Variants in SSBP3 observed in about 807,000 individuals in gnomAD.
SSBP3 encodes single-stranded DNA-binding protein 3.
A neutral mutation model predicts 69.6 loss-of-function variants in SSBP3; 5 were observed. The observed-to-expected ratio is 0.07, with a 90% CI of 0.04 to 0.15. SSBP3 has a LOEUF of 0.15. SSBP3 is among the 10% of genes least tolerant of loss of function. The pLI is 1.00. For missense variants in SSBP3, 312 were observed against 534.0 expected, an observed-to-expected ratio of 0.58 and a Z score of 4.10; for synonymous variants, 196 against 193.4, an observed-to-expected ratio of 1.01 and a Z score of -0.11.
chr1:54,273,179 G>A (rs1287996170), intron 5 of SSBP3, among the ~76,000 whole-genome samples: 1 of 152,264 alleles, frequency 6.6e-6, no homozygotes, highest in African/African-American at 2.4e-5. Context: ...CTGATGCATA[G>A]CTAACTGGGC....
intron 4 of SSBP3, among the ~76,000 whole-genome samples, chr1:54,353,915 C>G (rs1438026011): frequency 1.3e-5 from 2 of 152,184 alleles, no homozygotes; most frequent in Admixed American, 1.3e-4. Flanking sequence ...CAGGTCAGCA[C>G]CTTCATTCTA....
intron 4 of SSBP3, among the ~76,000 whole-genome samples, chr1:54,285,238 C>T (rs1399659472): frequency 3.9e-5 from 6 of 152,066 alleles, no homozygotes; most frequent in African/African-American, 7.2e-5. Context: ...AAGAAGAAAA[C>T]GAAAAGCAGC....
At chr1:54,266,179 G>A (rs1557476815) in intron 5 of SSBP3, among the ~76,000 whole-genome samples, 1 of 152,212 alleles carries the variant, frequency 6.6e-6, no homozygotes, top group South Asian at 2.1e-4. Context: ...TCAGAGATGT[G>A]ATCTCATTGG....
chr1:54,270,090 A>G (rs1645167417), intron 5 of SSBP3, among the ~76,000 whole-genome samples: 1 of 152,234 alleles, frequency 6.6e-6, no homozygotes, highest in Non-Finnish European at 1.5e-5. Context: ...CGGATTTCCC[A>G]TCTGCCATTC....
chr1:54,232,193 ATGAT>A (rs1482465288), intron 14 of SSBP3, among the ~76,000 whole-genome samples: 17 of 152,344 alleles, frequency 1.1e-4, no homozygotes, highest in South Asian at 6.2e-4. Context: ...GACTAGTTAA[ATGAT>A]TGATATGTAT....
At chr1:54,290,935 A>ACG (rs774161070) in intron 4 of SSBP3, among the ~76,000 whole-genome samples, 1 of 152,140 alleles carries the variant, frequency 6.6e-6, no homozygotes, top group South Asian at 2.1e-4. Context: ...ACACACACAC[A>ACG]CGCACACACA....
chr1:54,412,512 T>C (rs1027357732), intron 1 of SSBP3, among the ~76,000 whole-genome samples: 4 of 151,394 alleles, frequency 2.6e-5, no homozygotes, highest in Non-Finnish European at 4.4e-5. Context: ...AGAGACAGAG[T>C]AGAAAGGTGG....
At chr1:54,238,768 G>A (rs1019391906) in intron 14 of SSBP3, 6 of 323,386 alleles carry the variant, frequency 1.9e-5, no homozygotes, top group Non-Finnish European at 6.0e-6. Context: ...AACAGACCCA[G>A]GAGGAGAGGG....
intron 5 of SSBP3, among the ~76,000 whole-genome samples, chr1:54,262,391 G>A (rs1645031635): frequency 6.6e-6 from 1 of 152,148 alleles, no homozygotes; most frequent in Non-Finnish European, 1.5e-5. Context: ...ACTGCGAGCA[G>A]CACCTCCGTG....
At chr1:54,332,270 C>T (rs774922197) in intron 4 of SSBP3, among the ~76,000 whole-genome samples, 4 of 152,154 alleles carry the variant, frequency 2.6e-5, no homozygotes, top group Non-Finnish European at 4.4e-5. Context: ...GAAAGGACTC[C>T]CACATGGCAG....
At chr1:54,288,284 G>A (rs1467765128) in intron 4 of SSBP3, among the ~76,000 whole-genome samples, 1 of 152,188 alleles carries the variant, frequency 6.6e-6, no homozygotes, top group African/African-American at 2.4e-5. Context: ...TGTGTGATCT[G>A]ATCAGGCCTT....
intron 14 of SSBP3, among the ~76,000 whole-genome samples, chr1:54,230,694 G>C (rs373698167): frequency 6.6e-6 from 1 of 152,004 alleles, no homozygotes; most frequent in Non-Finnish European, 1.5e-5. Context: ...CAACGCCCCC[G>C]GCCCCAGGCA....
At chr1:54,246,649 A>G (rs1644739328) in intron 9 of SSBP3, among the ~76,000 whole-genome samples, 2 of 152,190 alleles carry the variant, frequency 1.3e-5, no homozygotes, top group South Asian at 4.1e-4. Flanking sequence ...AAGAACCGGC[A>G]TGGCAGCTTC....
intron 14 of SSBP3, among the ~76,000 whole-genome samples, chr1:54,233,537 G>T (rs553584998): frequency 1.6e-4 from 22 of 140,566 alleles, no homozygotes; most frequent in South Asian, 1.3e-3. Context: ...GGAGGGAGGT[G>T]GGGGGGGTAA....
Position 54,401,621 on chromosome 1 carries a change from G to A in SSBP3, c.276+240C>T, listed in dbSNP as rs572614182. On this transcript the variant is annotated intron_variant, in intron 4 of 17. Coordinates refer to ENST00000610401, the Ensembl canonical transcript of SSBP3. The stretch of plus-strand genomic sequence containing the variant: ...CCTGTACAACACCATTTAATTCTCC[G>A]GATAGATATCTACACAATTTTGCAC... 3.0e-4 allele frequency among the ~76,000 whole-genome samples: 46 copies of A among 151,120 alleles called. No individual in the cohort carries two copies. The South Asian group carries it at 4.2e-3, about 14-fold the overall frequency.
At chr1:54,240,119 CGCA>C (rs201820982) in intron 13 of SSBP3, among the ~76,000 whole-genome samples, 1,071 of 4,872 alleles carry the variant, frequency 0.22, 9 homozygotes, top group Non-Finnish European at 0.31. Context: ...CGCGCGCGCG[CGCA>C]ACACATGCCC....
intron 4 of SSBP3, among the ~76,000 whole-genome samples, chr1:54,372,857 G>A (rs770956066): frequency 1.3e-5 from 2 of 152,226 alleles, no homozygotes; most frequent in Non-Finnish European, 2.9e-5. Flanking sequence ...GCTGGAGAAC[G>A]GTAGGGCCAG....
Position 54,384,105 on chromosome 1 carries a change from C to CAAAAAAAAAAA in SSBP3, c.276+17745_276+17755dup, listed in dbSNP as rs34137070. On this transcript the variant is annotated intron_variant, in intron 4 of 17. Coordinates refer to ENST00000610401, the Ensembl canonical transcript of SSBP3. ...TGGGCAACAGTGCAAGACTCCATCTCAAAAAAAAAAAAAAAAAAAAGCAAG... is the reference window on the plus strand; with the variant it reads ...TGGGCAACAGTGCAAGACTCCATCTCAAAAAAAAAAAAAAAAAAAAAAAAAAAAAAAGCAAG... Among the ~76,000 whole-genome samples the CAAAAAAAAAAA allele has an allele frequency of 1.6e-3, 147 of 94,070 alleles. 1 individual carries two copies. Among genetic ancestry groups the CAAAAAAAAAAA allele is most frequent in the East Asian group, 4.3e-3 (13 of 3,048 alleles). The allele number at this position is 94,070 out of a possible 152,430, so 61.7% of individuals were successfully genotyped here. A position where few individuals can be genotyped will look rare whatever the true frequency, so the allele number is the denominator to read the frequency against.
At position 54,282,041 on chromosome 1, in the gene SSBP3, AAATAATAAT is replaced by A. The variant is rs61443250; in HGVS notation, c.277-523_277-515del. On this transcript the variant is annotated intron_variant, in intron 4 of 17. Transcript: ENST00000610401. ...AGCCCAAAAGGTTCAGCCCTATCTC[AAATAATAAT>A]AATAATAATAATAATAATAATAAAA... is the stretch of plus-strand genomic sequence containing the variant. Among the ~76,000 whole-genome samples, 37 of 142,902 alleles carry A rather than the reference AAATAATAAT, an allele frequency of 2.6e-4. 1 individual carries two copies. The highest frequency in any genetic ancestry group is 1.0e-3 in the East Asian group (5 of 5,008). The allele number at this position is 142,902 out of a possible 152,430, so 93.7% of individuals were successfully genotyped here.
Sources: gnomAD v4.1 joint callset for allele counts (sites outside exome capture counted in the v4.1 genomes callset) on GRCh38, gnomAD v4.1.1 for gene constraint, MANE v1.5 for transcripts, NCBI Gene and HGNC (gene_info 2026-07-23, HGNC 2026-07-21) for gene names.